EPHA5: variants seen among roughly 807,000 people sequenced by gnomAD.
The protein encoded by EPHA5 is EPH receptor A5.
EPHA5 carries 60 observed loss-of-function variants against 105.0 expected under a neutral mutation model. The observed-to-expected ratio is 0.57, with a 90% confidence interval of 0.46 to 0.71. The LOEUF is 0.71. EPHA5 is among the 30% of genes least tolerant of loss of function. The pLI, the probability that EPHA5 is intolerant of heterozygous loss-of-function variation, is 0.00. For synonymous variants in EPHA5, 513 were observed against 449.1 expected (o/e 1.14, Z -1.80); for missense variants, 1,218 against 1,274.7 (o/e 0.96, Z 0.68).
chr4:65,568,869 T>C (rs1043387155), intron 3 of EPHA5, among the ~76,000 whole-genome samples: 2 of 151,124 alleles, frequency 1.3e-5, no homozygotes, highest in Non-Finnish European at 3.0e-5. Context: ...TGATCTTTAG[T>C]TTTAGTTTAT....
chr4:65,330,655 T>G (rs1720522986), intron 16 of EPHA5: 1 of 659,102 alleles, frequency 1.5e-6, no homozygotes, highest in African/African-American at 1.9e-5. Flanking sequence ...ACAAATGACT[T>G]TAATAAATTA....
chr4:65,648,437 C>T (rs753462034), intron 1 of EPHA5, among the ~76,000 whole-genome samples: 1 of 152,162 alleles, frequency 6.6e-6, no homozygotes, highest in Admixed American at 6.5e-5. Flanking sequence ...CATGTGATCC[C>T]ACCATATACC....
At chr4:65,368,611 C>T (rs1287584152) in intron 8 of EPHA5, among the ~76,000 whole-genome samples, 3 of 152,100 alleles carry the variant, frequency 2.0e-5, no homozygotes, top group Non-Finnish European at 2.9e-5. Flanking sequence ...CAAAATGATG[C>T]TCCTCCACTC....
intron 3 of EPHA5, among the ~76,000 whole-genome samples, chr4:65,586,418 T>G (rs1044444737): frequency 2.6e-5 from 4 of 151,774 alleles, no homozygotes; most frequent in African/African-American, 9.7e-5. Flanking sequence ...AATTAGTTCT[T>G]TTTATATCTT....
At chr4:65,490,268 G>A (rs553532389) in intron 5 of EPHA5, 109 bp downstream of exon 5, 27 of 1,070,442 alleles carry the variant, frequency 2.5e-5, no homozygotes, top group East Asian at 1.7e-4. Context: ...CTGACCTTCC[G>A]GTTGAGGGAA....
At chr4:65,527,372 C>T (rs1442639195) in intron 3 of EPHA5, among the ~76,000 whole-genome samples, 1 of 151,952 alleles carries the variant, frequency 6.6e-6, no homozygotes, top group Admixed American at 6.6e-5. Context: ...TTGTCAATTC[C>T]ATAAAGTTTG....
chr4:65,644,568 C>G, intron 1 of EPHA5, among the ~76,000 whole-genome samples: 1 of 151,908 alleles, frequency 6.6e-6, no homozygotes, highest in Non-Finnish European at 1.5e-5. Flanking sequence ...GCCTAAAGTA[C>G]TAAAGGAATA....
At chr4:65,556,852 C>T (rs893178611) in intron 3 of EPHA5, among the ~76,000 whole-genome samples, 1 of 151,854 alleles carries the variant, frequency 6.6e-6, no homozygotes, top group Non-Finnish European at 1.5e-5. Context: ...TAAGCTATCC[C>T]AATTATTGAT....
chr4:65,560,855 T>C (rs1485446145), intron 3 of EPHA5, among the ~76,000 whole-genome samples: 6 of 152,028 alleles, frequency 3.9e-5, no homozygotes, highest in African/African-American at 9.7e-5. Context: ...CTTTGAAAAA[T>C]TATTTCTAAG....
intron 5 of EPHA5, among the ~76,000 whole-genome samples, chr4:65,447,804 A>G (rs1578138659): frequency 2.6e-5 from 4 of 151,356 alleles, no homozygotes; most frequent in Admixed American, 2.6e-4. Flanking sequence ...CAAAAAAAAA[A>G]TGATTTGAAG....
At chr4:65,567,509 C>A (rs1170274148) in intron 3 of EPHA5, among the ~76,000 whole-genome samples, 2 of 151,268 alleles carry the variant, frequency 1.3e-5, no homozygotes, top group African/African-American at 4.8e-5. Flanking sequence ...AGGGCTCTGA[C>A]AAGAAAGAAA....
At chr4:65,344,003 T>C (rs1433831104) in intron 14 of EPHA5, among the ~76,000 whole-genome samples, 1 of 151,890 alleles carries the variant, frequency 6.6e-6, no homozygotes. Context: ...CAAGGAAAAA[T>C]AAAAATCACA....
intron 2 of EPHA5, among the ~76,000 whole-genome samples, chr4:65,622,797 G>T (rs538360660): frequency 3.3e-4 from 50 of 152,008 alleles, no homozygotes; most frequent in Non-Finnish European, 3.7e-4. Flanking sequence ...GAAAAAAAAA[G>T]AAATAAATCC....
intron 8 of EPHA5, among the ~76,000 whole-genome samples, chr4:65,391,088 A>T (rs1417517164): frequency 6.6e-6 from 1 of 152,026 alleles, no homozygotes; most frequent in Admixed American, 6.6e-5. Context: ...CACATTATAA[A>T]ACCATTAGTT....
chr4:65,607,181 G>GT (rs199759814), intron 2 of EPHA5, among the ~76,000 whole-genome samples: 18 of 151,538 alleles, frequency 1.2e-4, no homozygotes, highest in South Asian at 4.2e-4. Flanking sequence ...ACTCACTGAT[G>GT]TTTTTTTTAA....
chr4:65,387,637 C>CTACA (rs1348554440), intron 8 of EPHA5, among the ~76,000 whole-genome samples: 1 of 151,830 alleles, frequency 6.6e-6, no homozygotes, highest in African/African-American at 2.4e-5. Context: ...ATCCAAAAGA[C>CTACA]TACAGTATGT....
intron 13 of EPHA5, among the ~76,000 whole-genome samples, chr4:65,348,812 TATA>T (rs543382198): frequency 0.015 from 1,079 of 70,358 alleles, 155 homozygotes; most frequent in African/African-American, 0.07. Context: ...TATATATATA[TATA>T]TTTTTTTTTT....
At chr4:65,387,836 C>CT (rs944668740) in intron 8 of EPHA5, among the ~76,000 whole-genome samples, 8 of 151,408 alleles carry the variant, frequency 5.3e-5, no homozygotes, top group Admixed American at 1.3e-4. Context: ...TTTTATTATA[C>CT]TTTAAGATTT....
At chr4:65,410,369 G>A (rs989977984) in intron 7 of EPHA5, among the ~76,000 whole-genome samples, 94 of 152,214 alleles carry the variant, frequency 6.2e-4, no homozygotes, top group African/African-American at 1.7e-3. Flanking sequence ...ATTTGAAAAC[G>A]TTATACATAA....
Sources: gnomAD v4.1 joint callset for allele counts (sites outside exome capture counted in the v4.1 genomes callset) on GRCh38, gnomAD v4.1.1 for gene constraint, MANE v1.5 for transcripts, NCBI Gene and HGNC (gene_info 2026-07-23, HGNC 2026-07-21) for gene names.